TMEM163: variants seen among roughly 807,000 people sequenced by gnomAD.
The protein encoded by TMEM163 is transmembrane protein 163.
TMEM163 carries 17 observed loss-of-function variants against 29.3 expected under a neutral mutation model. The observed-to-expected ratio is 0.58, with a 90% confidence interval of 0.40 to 0.87. TMEM163 has a LOEUF of 0.87. TMEM163 is among the 40% of genes least tolerant of loss of function. The pLI is 0.00. For missense variants in TMEM163, 303 were observed against 381.5 expected, an observed-to-expected ratio of 0.79 and a Z score of 1.71; for synonymous variants, 157 against 160.6, an observed-to-expected ratio of 0.98 and a Z score of 0.17.
At chr2:134,590,295 C>T in intron 2 of TMEM163, among the ~76,000 whole-genome samples, 1 of 152,150 alleles carries the variant, frequency 6.6e-6, no homozygotes, top group Middle Eastern at 3.2e-3. Context: ...CTGTCTCTAG[C>T]CCTGTGTTCC....
At chr2:134,659,898 C>T (rs1452223113) in intron 2 of TMEM163, among the ~76,000 whole-genome samples, 1 of 151,776 alleles carries the variant, frequency 6.6e-6, no homozygotes, top group African/African-American at 2.4e-5. Context: ...AACCACTATA[C>T]TGCACTACAG....
chr2:134,695,126 G>A (rs934262489), intron 2 of TMEM163, among the ~76,000 whole-genome samples: 7 of 152,178 alleles, frequency 4.6e-5, no homozygotes, highest in Non-Finnish European at 8.8e-5. Flanking sequence ...ACCCAGGCTA[G>A]AGTGCAGTGG....
chr2:134,674,998 A>G (rs775767575), intron 2 of TMEM163, among the ~76,000 whole-genome samples: 20 of 152,226 alleles, frequency 1.3e-4, no homozygotes, highest in Non-Finnish European at 2.4e-4. Flanking sequence ...TGCTATGGCA[A>G]GTGTACTCCC....
intron 2 of TMEM163, among the ~76,000 whole-genome samples, chr2:134,641,267 G>C (rs1432184395): frequency 6.6e-6 from 1 of 151,902 alleles, no homozygotes; most frequent in Non-Finnish European, 1.5e-5. Flanking sequence ...AGTGGTGGTG[G>C]AATAACTGAA....
chr2:134,551,107 C>T (rs187034961), intron 3 of TMEM163, among the ~76,000 whole-genome samples: 2 of 152,244 alleles, frequency 1.3e-5, no homozygotes, highest in African/African-American at 4.8e-5. Context: ...AATAAGTCTG[C>T]CAGCACTTTA....
intron 4 of TMEM163, among the ~76,000 whole-genome samples, chr2:134,530,307 T>C (rs774362817): frequency 1.3e-5 from 2 of 152,206 alleles, no homozygotes; most frequent in Non-Finnish European, 2.9e-5. Flanking sequence ...GGTCTCACTC[T>C]GTTGCCCAGG....
At chr2:134,566,431 C>T (rs950490675) in intron 2 of TMEM163, among the ~76,000 whole-genome samples, 2 of 152,068 alleles carry the variant, frequency 1.3e-5, no homozygotes, top group African/African-American at 4.8e-5. Flanking sequence ...GGTGTGGTAG[C>T]ACGTGCCTAT....
At chr2:134,705,153 T>C (rs986112151) in intron 2 of TMEM163, among the ~76,000 whole-genome samples, 1 of 150,448 alleles carries the variant, frequency 6.6e-6, no homozygotes, top group East Asian at 2.0e-4. Flanking sequence ...GAGGTTACAG[T>C]GAGCTGTGAT....
rs761831373 is a variant in TMEM163 at position 134,456,818 on chromosome 2, G to C, written c.810-42C>G. The C allele has an allele frequency of 1.6e-5, 26 of 1,602,462 alleles. No individual in the cohort carries two copies. The South Asian group carries it at 2.9e-4, about 18-fold the overall frequency. ...AGACAAGGTCACCTCCATGGCATGG[G>C]GCTGAAGAGCTTGGGGAAGCGTATT... On this transcript the variant is annotated intron_variant, in intron 7 of 7. Coordinates refer to ENST00000281924, the MANE Select transcript of TMEM163 (RefSeq NM_030923.5).
At chr2:134,713,750 T>C (rs1684979083) in intron 1 of TMEM163, 1 of 452,218 alleles carries the variant, frequency 2.2e-6, no homozygotes, top group Admixed American at 2.4e-5. Context: ...CTGTGAGCAT[T>C]GATTCACCAG....
At chr2:134,718,578 C>A (rs1685090508) in intron 1 of TMEM163, among the ~76,000 whole-genome samples, 156 bp downstream of exon 1, 1 of 152,076 alleles carries the variant, frequency 6.6e-6, no homozygotes, top group Admixed American at 6.5e-5. Flanking sequence ...GTGGGGCTGC[C>A]GCTCTCGGCT....
chr2:134,554,049 TTTTTGTGGGTTTCTTC>T (rs1310655087), intron 2 of TMEM163, among the ~76,000 whole-genome samples: 1 of 152,200 alleles, frequency 6.6e-6, no homozygotes, highest in African/African-American at 2.4e-5. Context: ...AGCTGTGTGC[TTTTTGTGGGTTTCTTC>T]TTTATCAGCA....
intron 2 of TMEM163, among the ~76,000 whole-genome samples, chr2:134,629,831 G>T (rs183923327): frequency 1.3e-5 from 2 of 152,290 alleles, no homozygotes; most frequent in African/African-American, 4.8e-5. Flanking sequence ...AAGGGGGCTG[G>T]CTCCTAGCTG....
chr2:134,561,328 C>G (rs1424599810), intron 2 of TMEM163, among the ~76,000 whole-genome samples: 1 of 152,196 alleles, frequency 6.6e-6, no homozygotes, highest in Non-Finnish European at 1.5e-5. Context: ...CTCAGCCTCC[C>G]GAGTAGCTGG....
chr2:134,630,214 A>AT (rs1682935910), intron 2 of TMEM163, among the ~76,000 whole-genome samples: 1 of 152,158 alleles, frequency 6.6e-6, no homozygotes, highest in Non-Finnish European at 1.5e-5. Context: ...AATAATAATT[A>AT]TACACATGAA....
chr2:134,642,210 C>T (rs1358753413), intron 2 of TMEM163, among the ~76,000 whole-genome samples: 1 of 151,742 alleles, frequency 6.6e-6, no homozygotes, highest in Admixed American at 6.6e-5. Flanking sequence ...CTGTAACCAA[C>T]CTCCACCTCC....
At chr2:134,486,948 C>A (rs1282026079) in intron 5 of TMEM163, among the ~76,000 whole-genome samples, 3 of 152,154 alleles carry the variant, frequency 2.0e-5, no homozygotes, top group South Asian at 2.1e-4. Flanking sequence ...AAAAGAAAAT[C>A]TCAGTATAAA....
At chr2:134,517,316 T>A (rs1175107263) in intron 4 of TMEM163, among the ~76,000 whole-genome samples, 1 of 152,112 alleles carries the variant, frequency 6.6e-6, no homozygotes, top group East Asian at 1.9e-4. Flanking sequence ...GGAGTATACA[T>A]TACCTTTCCC....
intron 2 of TMEM163, among the ~76,000 whole-genome samples, chr2:134,706,414 C>T (rs1482438404): frequency 6.6e-6 from 1 of 152,170 alleles, no homozygotes; most frequent in African/African-American, 2.4e-5. Flanking sequence ...TAGCGGCTGA[C>T]AACACCGCCT....
Sources: gnomAD v4.1 joint callset for allele counts (sites outside exome capture counted in the v4.1 genomes callset) on GRCh38, gnomAD v4.1.1 for gene constraint, MANE v1.5 for transcripts, NCBI Gene and HGNC (gene_info 2026-07-23, HGNC 2026-07-21) for gene names.